Variants in DOCK3 observed in about 807,000 individuals in gnomAD.
The protein encoded by DOCK3 is dedicator of cytokinesis 3.
In DOCK3, 60 loss-of-function variants were observed where a neutral mutation model predicts 265.6. The ratio of observed to expected loss-of-function variants is 0.23; its 90% CI spans 0.18 to 0.28. The LOEUF (loss-of-function observed/expected upper bound fraction) is 0.28. Ranked by LOEUF, DOCK3 falls within the 10% of genes least tolerant of loss-of-function variation. The probability of loss-of-function intolerance (pLI) is 1.00; values close to 1 mark genes in which losing one functional copy is unlikely to be tolerated. For synonymous variants in DOCK3, 881 were observed against 938.0 expected (o/e 0.94, Z 1.11); for missense variants, 1,981 against 2,594.3 (o/e 0.76, Z 5.14).
At chr3:50,973,214 T>A (rs2077309642) in intron 5 of DOCK3, among the ~76,000 whole-genome samples, 1 of 151,022 alleles carries the variant, frequency 6.6e-6, no homozygotes, top group Non-Finnish European at 1.5e-5. Flanking sequence ...TGTATACATG[T>A]GCCACGCTGG....
At chr3:50,885,896 G>A (rs1160788664) in intron 3 of DOCK3, among the ~76,000 whole-genome samples, 1 of 152,036 alleles carries the variant, frequency 6.6e-6, no homozygotes, top group African/African-American at 2.4e-5. Flanking sequence ...GGGGGGCAGA[G>A]GGGGTTGCTG....
rs539471297 is a variant in DOCK3, at chr3:51,033,422, T to G, written c.316-31026T>G. On this transcript the variant is annotated intron_variant, in intron 5 of 52. Transcript: ENST00000266037. ...TTGCTTTGACTGGCCCACTTCCACC[T>G]TTTAGTAGCCATTGCTTTGATTGTG... is the stretch of plus-strand genomic sequence containing the variant. Among the ~76,000 whole-genome samples, 3 of 152,336 alleles carry G rather than the reference T, an allele frequency of 2.0e-5. No individual in the cohort carries two copies. In the South Asian group the frequency reaches 6.2e-4, roughly 32 times the overall value.
rs2088833229 is a variant in DOCK3, at chr3:51,384,128, G to C, written c.*2569G>C. On this transcript the variant is annotated 3_prime_UTR_variant, in exon 53 of 53. Coordinates refer to ENST00000266037, the MANE Select transcript of DOCK3 (RefSeq NM_004947.5). ...TTTTAGATGTAAATATCTGCCACTT[G>C]ATTTTTTTTCCCCCTTTCCCCACTT... The C allele has an allele frequency of 6.6e-6, 1 of 152,588 alleles. No individual in the cohort carries two copies. Among genetic ancestry groups the C allele is most frequent in the Non-Finnish European group, 1.5e-5 (1 of 68,024 alleles). The allele number at this position is 152,588 out of a possible 1,614,324, so 9.5% of individuals were successfully genotyped here. A position where few individuals can be genotyped will look rare whatever the true frequency, so the allele number is the denominator to read the frequency against.
At chr3:50,679,104 C>T (rs1401113895) in intron 1 of DOCK3, among the ~76,000 whole-genome samples, 2 of 152,118 alleles carry the variant, frequency 1.3e-5, no homozygotes, top group South Asian at 2.1e-4. Context: ...TGAACCACTG[C>T]GCCCAGCCTT....
At chr3:50,879,456 A>C (rs1318137574) in intron 3 of DOCK3, among the ~76,000 whole-genome samples, 2 of 135,280 alleles carry the variant, frequency 1.5e-5, no homozygotes, top group African/African-American at 5.9e-5. Context: ...AATGGAAAAC[A>C]AAAAAAAGGA....
rs2079256788 is a variant in DOCK3 at position 51,016,537 on chromosome 3, A to ATATATATATTTATATATAT, written c.316-47910_316-47892dup. Among the ~76,000 whole-genome samples, 7 of 37,978 alleles carry ATATATATATTTATATATAT rather than the reference A, an allele frequency of 1.8e-4. 1 individual carries two copies. Among genetic ancestry groups the ATATATATATTTATATATAT allele is most frequent in the Non-Finnish European group, 2.6e-4 (7 of 26,560 alleles). The allele number at this position is 37,978 out of a possible 152,430, so 24.9% of individuals were successfully genotyped here. A position where few individuals can be genotyped will look rare whatever the true frequency, so the allele number is the denominator to read the frequency against. ...ATCATATATTTCTATATAATATATGATATATATATTTATATATATCATATA... is the reference window on the plus strand; with the variant it reads ...ATCATATATTTCTATATAATATATGATATATATATTTATATATATTATATATATTTATATATATCATATA... On this transcript the variant is annotated intron_variant, in intron 5 of 52. Coordinates refer to ENST00000266037, the MANE Select transcript of DOCK3 (RefSeq NM_004947.5).
intron 1 of DOCK3, among the ~76,000 whole-genome samples, chr3:50,749,952 C>T: frequency 6.6e-6 from 1 of 152,144 alleles, no homozygotes; most frequent in East Asian, 1.9e-4. Context: ...AACGCAGGGG[C>T]CCCCAACCCC....
At chr3:51,075,509 A>C in intron 7 of DOCK3, 69 bp downstream of exon 7, 1 of 1,315,282 alleles carries the variant, frequency 7.6e-7, no homozygotes, top group Non-Finnish European at 1.0e-6. Context: ...TATTTTCTCT[A>C]ATGTTATGAA....
Position 51,341,353 on chromosome 3 carries a change from C to T in DOCK3, c.3883C>T (p.Arg1295Trp), listed in dbSNP as rs770085171. The change falls in exon 38 of 53, where the codon CGG becomes TGG. Residue 1295 changes from arginine (R) to tryptophan (W), a missense_variant. Physicochemically the swap from Arg to Trp is moderately radical, Grantham distance 101 (BLOSUM62 -3). Around this residue, in one of 4 missense-constraint regions of DOCK3, gnomAD observed 1,357 missense variants for 1,866.8 expected, o/e 0.73. Transcript: ENST00000266037. ...GTGGCAGCGGAAGGAGGGACTGTGC[C>T]GGAAGATCATTCACTACTTCAACAA... is the stretch of plus-strand genomic sequence containing the variant. ...TEWQRKEGLC[R>W]KIIHYFNKGK... The T allele has an allele frequency of 5.0e-6, 8 of 1,613,698 alleles. No homozygotes were observed. Among genetic ancestry groups the T allele is most frequent in the South Asian group, 4.4e-5 (4 of 91,062 alleles).
rs1053685837 is a variant in DOCK3, at chr3:50,675,609, C to T, written c.37+309C>T. On this transcript the variant is annotated intron_variant, in intron 1 of 52. Transcript: ENST00000266037. This position sits in a 1 kb window ranked among gnomAD's most constrained non-coding sequence, Gnocchi z 6.1. ...TGGTGTGGGCCACGGGGCAATTTTA[C>T]CCGATAAACCAAATTCTGGGAATAT... Among the ~76,000 whole-genome samples the T allele has an allele frequency of 1.3e-5, 2 of 152,186 alleles. No homozygotes were observed. Among genetic ancestry groups the T allele is most frequent in the African/African-American group, 2.4e-5 (1 of 41,450 alleles).
intron 3 of DOCK3, among the ~76,000 whole-genome samples, chr3:50,866,785 G>A (rs2047166092): frequency 6.6e-6 from 1 of 152,048 alleles, no homozygotes; most frequent in African/African-American, 2.4e-5. Context: ...TTCCTTTGGT[G>A]TATATGTCTA....
chr3:51,064,651 T>C (rs1265936038), intron 6 of DOCK3, 55 bp downstream of exon 6: 1 of 1,591,954 alleles, frequency 6.3e-7, no homozygotes, highest in Non-Finnish European at 8.6e-7. Context: ...TAACTCAGTC[T>C]TCAGGGAGTT....
chr3:51,375,647 G>T (rs147999403), intron 50 of DOCK3, 101 bp from the exon 51 acceptor site: 9 of 1,338,044 alleles, frequency 6.7e-6, no homozygotes, highest in Non-Finnish European at 8.6e-6. Context: ...TGTTTTCCCC[G>T]TCTGATCTTG....
intron 5 of DOCK3, among the ~76,000 whole-genome samples, chr3:50,964,896 A>G (rs909508782): frequency 6.6e-6 from 1 of 152,132 alleles, no homozygotes; most frequent in South Asian, 2.1e-4. Context: ...CTCTCATCAG[A>G]AACAATGTAA....
At chr3:51,136,311 T>C (rs1253895509) in intron 9 of DOCK3, among the ~76,000 whole-genome samples, 2 of 151,610 alleles carry the variant, frequency 1.3e-5, no homozygotes, top group African/African-American at 2.4e-5. Flanking sequence ...CACTGCAGGC[T>C]CTGCCTCCCA....
At chr3:51,035,905 C>T (rs2080245110) in intron 5 of DOCK3, among the ~76,000 whole-genome samples, 1 of 152,160 alleles carries the variant, frequency 6.6e-6, no homozygotes, top group Non-Finnish European at 1.5e-5. Flanking sequence ...GTCAGGGTCA[C>T]CCTTATCAGG....
intron 11 of DOCK3, 52 bp from the exon 12 acceptor site, chr3:51,160,503 G>A (rs2086072673): frequency 1.4e-5 from 21 of 1,551,722 alleles, no homozygotes; most frequent in Non-Finnish European, 1.8e-5. Flanking sequence ...AGGTGATACT[G>A]GAGAGGAGCA....
intron 36 of DOCK3, 49 bp from the exon 37 acceptor site, chr3:51,338,886 C>T (rs752945577): frequency 2.0e-6 from 3 of 1,504,002 alleles, no homozygotes; most frequent in Non-Finnish European, 2.7e-6. Context: ...CAGAGCTTGG[C>T]TATGGCTTCC....
At chr3:50,950,958 A>C (rs2076574528) in intron 5 of DOCK3, among the ~76,000 whole-genome samples, 4 of 149,982 alleles carry the variant, frequency 2.7e-5, no homozygotes, top group Non-Finnish European at 1.5e-5. Flanking sequence ...AACGGAGGGA[A>C]TCTCTCTCTC....
Sources: allele counts gnomAD v4.1 joint callset (sites outside exome capture counted in the v4.1 genomes callset), GRCh38; gene constraint gnomAD v4.1.1; regional missense constraint gnomAD v4.1.1; non-coding constraint Gnocchi (gnomAD v3.1); transcripts MANE v1.5; gene names NCBI Gene and HGNC (gene_info 2026-07-23, HGNC 2026-07-21).